SPAG16: variants seen among roughly 807,000 people sequenced by gnomAD.
The protein encoded by SPAG16 is sperm associated antigen 16.
Under a neutral mutation model 80.4 loss-of-function variants are expected in SPAG16, and 86 were observed. That is an observed-to-expected ratio of 1.07 (90% CI 0.90 to 1.28). The LOEUF (loss-of-function observed/expected upper bound fraction) is 1.28, where lower values mean the gene tolerates loss of function less well. Ranked by LOEUF, SPAG16 falls within the 50% of genes most tolerant of loss-of-function variation. SPAG16 has a pLI of 0.00. For missense variants in SPAG16, 870 were observed against 765.3 expected, an observed-to-expected ratio of 1.14 and a Z score of -1.61; for synonymous variants, 294 against 265.9, an observed-to-expected ratio of 1.11 and a Z score of -1.03.
At chr2:213,971,641 G>C (rs1232364647) in intron 12 of SPAG16, among the ~76,000 whole-genome samples, 2 of 152,148 alleles carry the variant, frequency 1.3e-5, no homozygotes, top group East Asian at 3.9e-4. Flanking sequence ...TCCTTAAAAA[G>C]TTAAGCATAC....
chr2:214,030,566 G>A (rs1308979828), intron 13 of SPAG16, among the ~76,000 whole-genome samples: 2 of 152,060 alleles, frequency 1.3e-5, no homozygotes, highest in African/African-American at 4.8e-5. Flanking sequence ...AGAAATTTGA[G>A]GTCCATCTGA....
chr2:213,733,806 T>C (rs753426031), intron 10 of SPAG16, among the ~76,000 whole-genome samples: 4 of 152,198 alleles, frequency 2.6e-5, no homozygotes, highest in Admixed American at 2.0e-4. Flanking sequence ...AGTTCTCTGA[T>C]AGGTTCAAGA....
At chr2:214,104,001 C>T (rs1188269546) in intron 13 of SPAG16, among the ~76,000 whole-genome samples, 1 of 151,882 alleles carries the variant, frequency 6.6e-6, no homozygotes, top group East Asian at 1.9e-4. Context: ...ATTAAAGAAA[C>T]CTTTGCTCTG....
intron 10 of SPAG16, among the ~76,000 whole-genome samples, chr2:213,670,753 G>A (rs1187937634): frequency 6.6e-6 from 1 of 152,120 alleles, no homozygotes; most frequent in Non-Finnish European, 1.5e-5. Context: ...TCTCTTGTCT[G>A]TGTTATTTCT....
intron 10 of SPAG16, among the ~76,000 whole-genome samples, chr2:213,792,951 AAG>A (rs1219098409): frequency 6.9e-6 from 1 of 145,452 alleles, no homozygotes; most frequent in East Asian, 2.1e-4. Flanking sequence ...TTTTGAGATG[AAG>A]TCTCACTCTT....
chr2:214,102,816 G>A (rs922555349), intron 13 of SPAG16, among the ~76,000 whole-genome samples: 30 of 152,042 alleles, frequency 2.0e-4, no homozygotes, highest in Non-Finnish European at 4.0e-4. Context: ...AGGAAGAGGA[G>A]TTTATTTTAA....
chr2:213,997,778 A>G (rs1035930352), intron 12 of SPAG16, among the ~76,000 whole-genome samples: 14 of 152,162 alleles, frequency 9.2e-5, no homozygotes, highest in Non-Finnish European at 1.3e-4. Flanking sequence ...GTTTTAAAAA[A>G]CTTTAGTAAT....
chr2:213,623,013 G>A (rs1396947281), intron 10 of SPAG16, among the ~76,000 whole-genome samples: 1 of 152,142 alleles, frequency 6.6e-6, no homozygotes, highest in Non-Finnish European at 1.5e-5. Flanking sequence ...TTTTAAATGT[G>A]TCTCCTTTAT....
At chr2:214,341,491 A>C (rs747133544) in intron 15 of SPAG16, among the ~76,000 whole-genome samples, 1 of 152,224 alleles carries the variant, frequency 6.6e-6, no homozygotes, top group Non-Finnish European at 1.5e-5. Context: ...GTCTGCAGAG[A>C]AGGAAACTTG....
At chr2:214,401,095 A>G (rs1476016531) in intron 15 of SPAG16, among the ~76,000 whole-genome samples, 1 of 151,994 alleles carries the variant, frequency 6.6e-6, no homozygotes, top group Non-Finnish European at 1.5e-5. Flanking sequence ...AAAATAAACT[A>G]AATCACATTT....
chr2:214,021,945 T>C (rs778801782), intron 13 of SPAG16, among the ~76,000 whole-genome samples: 3 of 152,092 alleles, frequency 2.0e-5, no homozygotes, highest in African/African-American at 7.2e-5. Flanking sequence ...CTGACACACC[T>C]TTTCCCCTCA....
At chr2:213,352,811 A>G (rs1280962405) in intron 7 of SPAG16, among the ~76,000 whole-genome samples, 1 of 152,202 alleles carries the variant, frequency 6.6e-6, no homozygotes, top group Non-Finnish European at 1.5e-5. Flanking sequence ...ATTATCTGCA[A>G]CTGGTTTTGT....
chr2:213,680,054 C>T (rs913972026), intron 10 of SPAG16, among the ~76,000 whole-genome samples: 4 of 152,048 alleles, frequency 2.6e-5, no homozygotes, highest in South Asian at 2.1e-4. Context: ...AGCACACCAC[C>T]GTGGGCCACA....
intron 11 of SPAG16, among the ~76,000 whole-genome samples, chr2:213,872,533 G>A (rs1441336823): frequency 1.3e-5 from 2 of 152,058 alleles, no homozygotes; most frequent in South Asian, 2.1e-4. Flanking sequence ...CATCTCTGAA[G>A]AGAGATCATT....
chr2:214,005,840 A>G (rs1016504051), intron 12 of SPAG16, among the ~76,000 whole-genome samples: 3 of 152,208 alleles, frequency 2.0e-5, no homozygotes, highest in African/African-American at 7.2e-5. Flanking sequence ...GCTTATATAT[A>G]AACCTTTACA....
At chr2:214,191,437 G>A (rs941063744) in intron 15 of SPAG16, among the ~76,000 whole-genome samples, 3 of 152,038 alleles carry the variant, frequency 2.0e-5, no homozygotes, top group Non-Finnish European at 4.4e-5. Flanking sequence ...CCAGGGCCGG[G>A]CATGGTGGCT....
intron 10 of SPAG16, among the ~76,000 whole-genome samples, chr2:213,566,290 T>G (rs2059761610): frequency 6.6e-6 from 1 of 152,112 alleles, no homozygotes; most frequent in African/African-American, 2.4e-5. Flanking sequence ...CCTCTTAGAA[T>G]CAGAAGTATT....
intron 15 of SPAG16, among the ~76,000 whole-genome samples, chr2:214,178,279 C>A (rs1359572290): frequency 6.6e-6 from 1 of 150,482 alleles, no homozygotes. Flanking sequence ...TTATAATAAA[C>A]CAATCTAGGA....
chr2:214,231,494 G>A (rs1576552277), intron 15 of SPAG16, among the ~76,000 whole-genome samples: 2 of 151,888 alleles, frequency 1.3e-5, no homozygotes, highest in East Asian at 1.9e-4. Flanking sequence ...TATAAGTATT[G>A]TATAACGATA....
Sources: gnomAD v4.1 joint callset for allele counts (sites outside exome capture counted in the v4.1 genomes callset) on GRCh38, gnomAD v4.1.1 for gene constraint, MANE v1.5 for transcripts, NCBI Gene and HGNC (gene_info 2026-07-23, HGNC 2026-07-21) for gene names.